The following LIFR variants were observed in gnomAD, a reference collection of about 807,000 sequenced individuals.
The protein encoded by LIFR is LIF receptor subunit alpha, also known as leukemia inhibitory factor receptor.
Under a neutral mutation model 122.2 loss-of-function variants are expected in LIFR, and 84 were observed. The observed-to-expected ratio is 0.69, with a 90% CI of 0.58 to 0.82. The LOEUF (loss-of-function observed/expected upper bound fraction) is 0.82, where lower values mean the gene tolerates loss of function less well. Ranked by LOEUF, LIFR falls within the 40% of genes least tolerant of loss-of-function variation. The pLI is 0.00. For synonymous variants in LIFR, 422 were observed against 434.7 expected, an observed-to-expected ratio of 0.97 and a Z score of 0.36; for missense variants, 1,294 against 1,311.6, an observed-to-expected ratio of 0.99 and a Z score of 0.21.
At chr5:38,488,218 T>G (rs1435535123) in intron 16 of LIFR, among the ~76,000 whole-genome samples, 2 of 152,150 alleles carry the variant, frequency 1.3e-5, no homozygotes, top group Non-Finnish European at 2.9e-5. Flanking sequence ...CCAGCAATCA[T>G]GAAGGTTCAG....
chr5:38,549,883 G>T (rs1420708072), intron 1 of LIFR, among the ~76,000 whole-genome samples: 1 of 152,176 alleles, frequency 6.6e-6, no homozygotes, highest in Non-Finnish European at 1.5e-5. Context: ...CTAGAATCTG[G>T]AAGTGAGTTT....
Position 38,592,353 on chromosome 5 carries a change from G to T in LIFR, c.-20+2908C>A, listed in dbSNP as rs1418355273. Among the ~76,000 whole-genome samples the T allele has an allele frequency of 4.6e-5, 7 of 152,098 alleles. No homozygotes were observed. In the East Asian group the frequency reaches 1.3e-3, roughly 29 times the overall value. ...ACATCAACTAGCTTCATAAATTAAA[G>T]AAATTTTAAGTACATTATGTAAGGC... On this transcript the variant is annotated intron_variant, in intron 1 of 19. Coordinates refer to the LIFR transcript ENST00000263409.
chr5:38,604,439 G>T (rs1055264724), intron 2 of LIFR, among the ~76,000 whole-genome samples: 1 of 152,174 alleles, frequency 6.6e-6, no homozygotes, highest in African/African-American at 2.4e-5. Flanking sequence ...GGGAGTGGTG[G>T]ATCACACCTG....
chr5:38,593,121 T>G (rs1376432964), intron 1 of LIFR, among the ~76,000 whole-genome samples: 1 of 152,146 alleles, frequency 6.6e-6, no homozygotes, highest in South Asian at 2.1e-4. Context: ...GAGAATCCCT[T>G]GAACCCAGGA....
At chr5:38,592,680 C>A (rs1256580181) in intron 1 of LIFR, among the ~76,000 whole-genome samples, 1 of 148,838 alleles carries the variant, frequency 6.7e-6, no homozygotes, top group Non-Finnish European at 1.5e-5. Flanking sequence ...AAAAAAGTTA[C>A]GTGAGACGGC....
At chr5:38,525,071 G>A (rs932711596) in intron 4 of LIFR, among the ~76,000 whole-genome samples, 3 of 152,108 alleles carry the variant, frequency 2.0e-5, no homozygotes, top group Non-Finnish European at 4.4e-5. Context: ...CAAAGGTTTG[G>A]GCATCTCCTA....
At position 38,564,735 on chromosome 5, in the gene LIFR, T is replaced by TACACACACACAC. The variant is rs3047301; in HGVS notation, c.-20+30514_-20+30525dup. Among the ~76,000 whole-genome samples the TACACACACACAC allele has an allele frequency of 6.2e-4, 85 of 137,500 alleles. 1 individual carries two copies. The highest frequency in any genetic ancestry group is 6.1e-3 in the South Asian group (25 of 4,092). 90.2% of individuals were successfully genotyped at this position (137,500 alleles called of 152,430 possible). A position where few individuals can be genotyped will look rare whatever the true frequency, so the allele number is the denominator to read the frequency against. ...ACACAATATATATATACACACACACTACACACACACACACACACACACACA... is the reference window on the plus strand; with the variant it reads ...ACACAATATATATATACACACACACTACACACACACACACACACACACACACACACACACACA... On this transcript the variant is annotated intron_variant, in intron 1 of 19. Transcript: ENST00000263409.
rs1744863186 is a variant in LIFR at position 38,496,129 on chromosome 5, GTAACTCTCCAA to G, written c.1885+242_1885+252del. Reference sequence around the variant, plus strand: ...CTTCCTAAAAGTACTATCCACCACTGTAACTCTCCAATATTATCCACTATAGTTACTGAGTA... The same window carrying G: ...CTTCCTAAAAGTACTATCCACCACTGTATTATCCACTATAGTTACTGAGTA... On this transcript the variant is annotated intron_variant, in intron 13 of 19. Coordinates refer to ENST00000453190, the MANE Select transcript of LIFR (RefSeq NM_001127671.2). 2.6e-5 allele frequency among the ~76,000 whole-genome samples: 4 copies of G among 152,090 alleles called. No individual in the cohort carries two copies. The South Asian group carries it at 8.3e-4, about 32-fold the overall frequency.
intron 1 of LIFR, among the ~76,000 whole-genome samples, chr5:38,565,184 G>T (rs958512559): frequency 2.0e-5 from 3 of 152,148 alleles, no homozygotes; most frequent in African/African-American, 7.2e-5. Flanking sequence ...TTCAGTTGAA[G>T]AACAAAGCAT....
chr5:38,504,169 C>T (rs1397886192), intron 9 of LIFR, 48 bp from the exon 10 acceptor site: 3 of 1,258,728 alleles, frequency 2.4e-6, no homozygotes, highest in African/African-American at 1.5e-5. Context: ...AAGGGAAAAA[C>T]TATCTTCTAA....
rs185961083 is a variant in LIFR, at chr5:38,552,220, A to G, written c.-20+4114T>C. Among the ~76,000 whole-genome samples, 10 of 152,372 alleles carry G rather than the reference A, an allele frequency of 6.6e-5. No homozygotes were observed. The East Asian group carries it at 1.7e-3, about 26-fold the overall frequency. Reference sequence around the variant, plus strand: ...ATAGGAAATAAAAAAGTTAAAAACCATCATTCTGGAAGATCACAACACTTC... The same window carrying G: ...ATAGGAAATAAAAAAGTTAAAAACCGTCATTCTGGAAGATCACAACACTTC... On this transcript the variant is annotated intron_variant, in intron 1 of 19. Transcript: ENST00000453190.
chr5:38,478,937 C>T lies in LIFR; in HGVS notation c.*2658G>A, dbSNP rs1443601089. Reference sequence around the variant, plus strand: ...CTAACTAGTCCTTAATTGTAGCTTCCAAGGGAGAAGCCACGAATCTAACTG... The same window carrying T: ...CTAACTAGTCCTTAATTGTAGCTTCTAAGGGAGAAGCCACGAATCTAACTG... On this transcript the variant is annotated 3_prime_UTR_variant, in exon 20 of 20. Coordinates refer to ENST00000453190, the MANE Select transcript of LIFR (RefSeq NM_001127671.2). The T allele has an allele frequency of 4.4e-6, 1 of 229,650 alleles. No individual in the cohort carries two copies. Among genetic ancestry groups the T allele is most frequent in the Non-Finnish European group, 8.6e-6 (1 of 115,876 alleles). The allele number at this position is 229,650 out of a possible 1,614,324, so 14.2% of individuals were successfully genotyped here.
intron 1 of LIFR, among the ~76,000 whole-genome samples, chr5:38,581,035 T>G (rs527341522): frequency 6.6e-6 from 1 of 152,084 alleles, no homozygotes; most frequent in South Asian, 2.1e-4. Flanking sequence ...AGTTTCCTCA[T>G]CTATAAAAAA....
intron 5 of LIFR, among the ~76,000 whole-genome samples, chr5:38,519,377 T>C (rs935271028): frequency 6.6e-5 from 10 of 152,226 alleles, no homozygotes; most frequent in African/African-American, 2.4e-4. Context: ...CATGTGAGTA[T>C]TGGTTACATG....
rs1167379488 is a variant in LIFR, at chr5:38,511,891, TCCAAGGGCATATCTGAGGC to T, written c.616_634del (p.Ala206AsnfsTer30). 6.2e-7 allele frequency: 1 copy of T among 1,614,166 alleles called. No homozygotes were observed. The highest frequency in any genetic ancestry group is 8.5e-7 in the Non-Finnish European group (1 of 1,180,012). On this transcript the variant is annotated frameshift_variant, in exon 6 of 20. Transcript: ENST00000453190. LOFTEE classifies it high-confidence loss of function. Reference sequence around the variant, plus strand: ...AATTTCCACAAAATGAATGGCACATTCCAAGGGCATATCTGAGGCCCAACTCCAGTGATGAAGTGTATCT... The same window carrying T: ...AATTTCCACAAAATGAATGGCACATTCCAACTCCAGTGATGAAGTGTATCT...
intron 1 of LIFR, among the ~76,000 whole-genome samples, chr5:38,580,435 T>A (rs1304723783): frequency 1.3e-5 from 2 of 152,108 alleles, no homozygotes; most frequent in Non-Finnish European, 2.9e-5. Context: ...TCAAAGTTTC[T>A]CTGGCTCTTC....
intron 1 of LIFR, among the ~76,000 whole-genome samples, chr5:38,547,618 A>G: frequency 6.6e-6 from 1 of 152,240 alleles, no homozygotes; most frequent in South Asian, 2.1e-4. Context: ...AACTTTAAAA[A>G]AAAAGTCCCT....
chr5:38,531,348 A>G (rs1746996763), intron 1 of LIFR, among the ~76,000 whole-genome samples: 1 of 152,212 alleles, frequency 6.6e-6, no homozygotes, highest in African/African-American at 2.4e-5. Flanking sequence ...TTATTACAAC[A>G]TTGGCACAGG....
intron 16 of LIFR, 127 bp downstream of exon 16, chr5:38,488,951 T>A: frequency 1.4e-6 from 1 of 735,712 alleles, no homozygotes. Flanking sequence ...TGCCTTTTCA[T>A]TTCTCTATCT....
Sources: gnomAD v4.1 joint callset for allele counts (sites outside exome capture counted in the v4.1 genomes callset) on GRCh38, gnomAD v4.1.1 for gene constraint, MANE v1.5 for transcripts, NCBI Gene and HGNC (gene_info 2026-07-23, HGNC 2026-07-21) for gene names.